Variants in CCDC60 observed in about 807,000 individuals in gnomAD.
CCDC60 encodes the protein coiled-coil domain-containing protein 60.
CCDC60 carries 54 observed loss-of-function variants against 63.5 expected under a neutral mutation model. The observed-to-expected ratio is 0.85, with a 90% CI of 0.68 to 1.07. CCDC60 has a LOEUF of 1.07. Among genes scored for constraint, CCDC60 ranks in the 50% least tolerant of loss-of-function variants. The probability of loss-of-function intolerance (pLI) is 0.00; values close to 1 mark genes in which losing one functional copy is unlikely to be tolerated. For synonymous variants in CCDC60, 206 were observed against 238.8 expected (o/e 0.86, Z 1.27); for missense variants, 651 against 684.3 (o/e 0.95, Z 0.54).
At chr12:119,504,095 A>T in intron 6 of CCDC60, among the ~76,000 whole-genome samples, 1 of 151,978 alleles carries the variant, frequency 6.6e-6, no homozygotes, top group Non-Finnish European at 1.5e-5. Flanking sequence ...TTAGCATGGG[A>T]TAAAGGGCAT....
In CCDC60 at chr12:119,473,687, T is replaced by C. The variant is rs192170657; in HGVS notation, c.341+1523T>C. Among the ~76,000 whole-genome samples the C allele has an allele frequency of 6.1e-3, 927 of 152,298 alleles. 6 individuals are homozygous for C. The highest frequency in any genetic ancestry group is 0.01 in the Non-Finnish European group (683 of 68,024). On this transcript the variant is annotated intron_variant, in intron 3 of 13. Coordinates refer to ENST00000327554, the MANE Select transcript of CCDC60 (RefSeq NM_178499.5). ...ATCCTCATAGCTTAGCTCCCACTTATGAATGAGAATATACGATGTTTGGTT... is the reference window on the plus strand; with the variant it reads ...ATCCTCATAGCTTAGCTCCCACTTACGAATGAGAATATACGATGTTTGGTT...
chr12:119,360,981 C>T lies in CCDC60; in HGVS notation c.90+25715C>T, dbSNP rs1002127951. Among the ~76,000 whole-genome samples the T allele has an allele frequency of 3.5e-4, 54 of 152,210 alleles. 1 individual carries two copies. The South Asian group carries it at 3.7e-3, about 11-fold the overall frequency. ...AAACCCCGTCTCCACCAAAAAAATA[C>T]GAAAACCAGTCAGGCGTGGCGGCGT... On this transcript the variant is annotated intron_variant, in intron 1 of 13. Coordinates refer to ENST00000327554, the MANE Select transcript of CCDC60 (RefSeq NM_178499.5).
Position 119,507,611 on chromosome 12 carries a change from TA to T in CCDC60, c.883+2309del, listed in dbSNP as rs59693907. ...ATATACATATATATATATATATATA[TA>T]TATTTTTTTTTTTTTTTTCTAGAAA... On this transcript the variant is annotated intron_variant, in intron 7 of 13. Coordinates refer to ENST00000327554, the MANE Select transcript of CCDC60 (RefSeq NM_178499.5). Among the ~76,000 whole-genome samples the T allele has an allele frequency of 2.0e-3, 71 of 35,832 alleles. 7 individuals carry two copies. Among genetic ancestry groups the T allele is most frequent in the African/African-American group, 5.0e-3 (39 of 7,820 alleles). The allele number at this position is 35,832 out of a possible 152,430, so 23.5% of individuals were successfully genotyped here. A position where few individuals can be genotyped will look rare whatever the true frequency, so the allele number is the denominator to read the frequency against.
At chr12:119,432,297 G>A (rs1950243136) in intron 2 of CCDC60, among the ~76,000 whole-genome samples, 1 of 152,176 alleles carries the variant, frequency 6.6e-6, no homozygotes. Context: ...GGCGAGGGAT[G>A]AGCCTCCCAA....
intron 11 of CCDC60, among the ~76,000 whole-genome samples, chr12:119,525,083 A>G (rs932305052): frequency 3.3e-5 from 5 of 152,204 alleles, no homozygotes; most frequent in Non-Finnish European, 7.3e-5. Context: ...CAACAATCCT[A>G]TGAGGTAGGT....
chr12:119,518,975 G>A (rs1196661361), intron 8 of CCDC60, among the ~76,000 whole-genome samples: 1 of 152,174 alleles, frequency 6.6e-6, no homozygotes, highest in Non-Finnish European at 1.5e-5. Flanking sequence ...ATGTGTTGAA[G>A]TTTCCCTTCC....
At chr12:119,355,420 C>T (rs1211940501) in intron 1 of CCDC60, among the ~76,000 whole-genome samples, 5 of 152,356 alleles carry the variant, frequency 3.3e-5, no homozygotes, top group African/African-American at 4.8e-5. Context: ...ACTGCTGATA[C>T]GTCTGTGTCA....
chr12:119,363,589 T>A (rs780791611), intron 1 of CCDC60, among the ~76,000 whole-genome samples: 1 of 152,224 alleles, frequency 6.6e-6, no homozygotes, highest in Non-Finnish European at 1.5e-5. Flanking sequence ...AAGACACAGC[T>A]ATTAATATTG....
chr12:119,475,877 TCA>T (rs1417487340), intron 3 of CCDC60, among the ~76,000 whole-genome samples: 1 of 152,260 alleles, frequency 6.6e-6, no homozygotes, highest in Non-Finnish European at 1.5e-5. Context: ...TCTCTGAGCC[TCA>T]GTTACCTAAA....
chr12:119,499,038 T>C (rs2136408844), intron 5 of CCDC60, among the ~76,000 whole-genome samples: 1 of 152,338 alleles, frequency 6.6e-6, no homozygotes, highest in Middle Eastern at 3.4e-3. Context: ...AGTGTAAATA[T>C]CCATGTGTTT....
intron 2 of CCDC60, among the ~76,000 whole-genome samples, chr12:119,432,078 C>T (rs966501611): frequency 2.0e-5 from 3 of 152,160 alleles, no homozygotes; most frequent in South Asian, 2.1e-4. Flanking sequence ...AGATGGAGTT[C>T]GTTAAAAGTC....
chr12:119,396,372 GAC>G (rs1454733897), intron 1 of CCDC60, among the ~76,000 whole-genome samples: 2 of 152,138 alleles, frequency 1.3e-5, no homozygotes, highest in African/African-American at 4.8e-5. Flanking sequence ...GTTTCAGAAG[GAC>G]ACTATTCAAC....
At chr12:119,529,487 C>T (rs1195568731) in intron 12 of CCDC60, among the ~76,000 whole-genome samples, 2 of 152,068 alleles carry the variant, frequency 1.3e-5, no homozygotes, top group Non-Finnish European at 2.9e-5. Flanking sequence ...GTGTCCCGAA[C>T]CCCATCCTAG....
chr12:119,487,965 C>T (rs1951494564), intron 4 of CCDC60, among the ~76,000 whole-genome samples: 1 of 152,100 alleles, frequency 6.6e-6, no homozygotes, highest in Admixed American at 6.5e-5. Flanking sequence ...CCCCAGCCTC[C>T]CAAGTAGCAG....
intron 1 of CCDC60, among the ~76,000 whole-genome samples, chr12:119,408,710 C>T (rs1337578652): frequency 6.6e-6 from 1 of 152,026 alleles, no homozygotes. Context: ...CCTGTAGTCC[C>T]AGCTACTTGG....
At chr12:119,476,460 T>A (rs941162449) in intron 3 of CCDC60, among the ~76,000 whole-genome samples, 1 of 152,158 alleles carries the variant, frequency 6.6e-6, no homozygotes, top group Admixed American at 6.5e-5. Context: ...GAAGTGAACA[T>A]TGGAGGACAT....
At chr12:119,379,635 T>C (rs1161787029) in intron 1 of CCDC60, among the ~76,000 whole-genome samples, 1 of 152,226 alleles carries the variant, frequency 6.6e-6, no homozygotes, top group Non-Finnish European at 1.5e-5. Flanking sequence ...TGAAAGTATG[T>C]ATGGTGAAAT....
At chr12:119,450,694 T>C (rs1280962159) in intron 2 of CCDC60, among the ~76,000 whole-genome samples, 1 of 152,030 alleles carries the variant, frequency 6.6e-6, no homozygotes, top group Non-Finnish European at 1.5e-5. Flanking sequence ...CCACCTCTAC[T>C]AAAAATACAA....
chr12:119,507,585 TA>T (rs1952071566), intron 7 of CCDC60, among the ~76,000 whole-genome samples: 1 of 36,492 alleles, frequency 2.7e-5, no homozygotes, highest in African/African-American at 2.1e-4. Context: ...TATACACATA[TA>T]TATACATATA....
Sources: allele counts gnomAD v4.1 joint callset (sites outside exome capture counted in the v4.1 genomes callset), GRCh38; gene constraint gnomAD v4.1.1; transcripts MANE v1.5; gene names NCBI Gene and HGNC (gene_info 2026-07-23, HGNC 2026-07-21).